Variants in PRIMPOL observed in about 807,000 individuals in gnomAD.
PRIMPOL encodes the protein primase and DNA directed polymerase.
In PRIMPOL, 54 loss-of-function variants were observed where a neutral mutation model predicts 63.6. The ratio of observed to expected loss-of-function variants is 0.85; its 90% confidence interval spans 0.68 to 1.07. The LOEUF (loss-of-function observed/expected upper bound fraction) is 1.07, where lower values mean the gene tolerates loss of function less well. PRIMPOL is among the 50% of genes least tolerant of loss of function. The pLI is 0.00. For missense variants in PRIMPOL, 610 were observed against 648.3 expected (o/e 0.94, Z 0.64); for synonymous variants, 197 against 220.2 (o/e 0.89, Z 0.93).
intron 6 of PRIMPOL, among the ~76,000 whole-genome samples, chr4:184,669,080 C>T (rs1009147369): frequency 6.6e-6 from 1 of 152,116 alleles, no homozygotes; most frequent in Non-Finnish European, 1.5e-5. Flanking sequence ...CCTTACCATT[C>T]GTGCATTCAT....
At chr4:184,680,035 T>C (rs565027905) in intron 8 of PRIMPOL, among the ~76,000 whole-genome samples, 3 of 152,204 alleles carry the variant, frequency 2.0e-5, no homozygotes, top group Non-Finnish European at 4.4e-5. Flanking sequence ...AGTTGCAGTT[T>C]CCAAGAATCT....
At chr4:184,675,804 A>G (rs530332546) in intron 7 of PRIMPOL, among the ~76,000 whole-genome samples, 1 of 152,272 alleles carries the variant, frequency 6.6e-6, no homozygotes, top group South Asian at 2.1e-4. Flanking sequence ...GCAACAGAGT[A>G]AGACTCAGTA....
chr4:184,670,705 A>T (rs1164090810), intron 6 of PRIMPOL, among the ~76,000 whole-genome samples: 1 of 151,970 alleles, frequency 6.6e-6, no homozygotes, highest in Non-Finnish European at 1.5e-5. Context: ...CCAGCACCAC[A>T]CCTGGCTAAT....
rs143060746 is a variant in PRIMPOL at position 184,667,456 on chromosome 4, G to A, written c.556+1392G>A. 0.013 allele frequency among the ~76,000 whole-genome samples: 1,905 copies of A among 152,200 alleles called. 96 individuals are homozygous for A. The East Asian group carries it at 0.13, about 10-fold the overall frequency. ...CTCCCGAGTAGCTGAGACTACAGGC[G>A]TGTGCCACCATGCCCGGCTAAGTTT... is the stretch of plus-strand genomic sequence containing the variant. On this transcript the variant is annotated intron_variant, in intron 6 of 13. Coordinates refer to ENST00000314970, the MANE Select transcript of PRIMPOL (RefSeq NM_152683.4).
chr4:184,676,293 TC>T (rs1410714189), intron 7 of PRIMPOL, among the ~76,000 whole-genome samples: 2 of 139,406 alleles, frequency 1.4e-5, no homozygotes, highest in Non-Finnish European at 3.1e-5. Context: ...CTTTCTTCCC[TC>T]CCCTCCCCTG....
intron 2 of PRIMPOL, among the ~76,000 whole-genome samples, chr4:184,653,649 G>A (rs1226138748): frequency 2.0e-5 from 3 of 152,004 alleles, no homozygotes; most frequent in South Asian, 2.1e-4. Context: ...TGCACCGGGC[G>A]GAGCCCAATC....
At chr4:184,658,532 A>G (rs1490614601) in intron 3 of PRIMPOL, among the ~76,000 whole-genome samples, 6 of 152,204 alleles carry the variant, frequency 3.9e-5, no homozygotes, top group Non-Finnish European at 8.8e-5. Context: ...TTGTGGATGT[A>G]TTCCTCTATT....
chr4:184,690,471 T>C (rs1024485699), intron 11 of PRIMPOL, among the ~76,000 whole-genome samples: 1 of 152,168 alleles, frequency 6.6e-6, no homozygotes, highest in African/African-American at 2.4e-5. Context: ...ACTTATTTAT[T>C]TATTTAGAGA....
intron 6 of PRIMPOL, among the ~76,000 whole-genome samples, chr4:184,669,934 T>C (rs1481655993): frequency 6.6e-6 from 1 of 152,154 alleles, no homozygotes; most frequent in Non-Finnish European, 1.5e-5. Context: ...CTAGTTGCTA[T>C]TGTCAGCCTT....
chr4:184,665,966 A>C lies in PRIMPOL; in HGVS notation c.458A>C (p.Glu153Ala). 1 of 1,610,996 alleles carries C rather than the reference A, an allele frequency of 6.2e-7. No individual in the cohort carries two copies. The highest frequency in any genetic ancestry group is 8.5e-7 in the Non-Finnish European group (1 of 1,177,578). The change falls in exon 6 of 14, where the codon GAA (glutamate) becomes GCA (alanine). Residue 153 changes from glutamate (E) to alanine (A), a missense_variant. Glu to Ala is a moderately radical substitution (Grantham distance 107). This residue lies in a region of PRIMPOL where 7 missense variants were observed against 23.0 expected (regional missense o/e 0.30). Transcript: ENST00000314970. Reference protein sequence around the residue: ...QELYGVNCSAEDVLNLDSSTD... With the variant: ...QELYGVNCSAADVLNLDSSTD... Reference sequence around the variant, plus strand: ...TTATACGGTGTTAATTGCTCAGCTGAAGATGTTTTGAACTTGGATTCTAGC... The same window carrying C: ...TTATACGGTGTTAATTGCTCAGCTGCAGATGTTTTGAACTTGGATTCTAGC...
intron 1 of PRIMPOL, among the ~76,000 whole-genome samples, chr4:184,650,445 T>G (rs1743954331): frequency 6.6e-6 from 1 of 152,192 alleles, no homozygotes; most frequent in Non-Finnish European, 1.5e-5. Context: ...GAACTGGTAA[T>G]GGAAGAGAGT....
Position 184,694,220 on chromosome 4 carries a change from C to G in PRIMPOL, c.1426-302C>G, listed in dbSNP as rs148013456. On this transcript the variant is annotated intron_variant, in intron 13 of 13. Coordinates refer to ENST00000314970, the MANE Select transcript of PRIMPOL (RefSeq NM_152683.4). ...CTGATTTGTCTTCAGCTGGACTGTC[C>G]ACTTGTTAAAAAATTAAATCCACCC... The G allele has an allele frequency of 2.3e-3, 2,556 of 1,089,110 alleles. 2 individuals are homozygous for G. The highest frequency in any genetic ancestry group is 2.7e-3 in the Non-Finnish European group (2,430 of 894,642). 67.5% of individuals were successfully genotyped at this position (1,089,110 alleles called of 1,614,324 possible).
chr4:184,672,783 G>A (rs1004426162), intron 7 of PRIMPOL, among the ~76,000 whole-genome samples: 1 of 152,190 alleles, frequency 6.6e-6, no homozygotes, highest in Non-Finnish European at 1.5e-5. Flanking sequence ...GGTTAAGTCA[G>A]AGTACAGAAA....
intron 11 of PRIMPOL, among the ~76,000 whole-genome samples, chr4:184,688,937 T>C (rs1210123466): frequency 6.6e-6 from 1 of 152,168 alleles, no homozygotes; most frequent in South Asian, 2.1e-4. Context: ...GGTAAGTGTT[T>C]ATGTCCGAAC....
intron 2 of PRIMPOL, among the ~76,000 whole-genome samples, chr4:184,656,418 T>C (rs1010733482): frequency 6.6e-6 from 1 of 152,180 alleles, no homozygotes; most frequent in African/African-American, 2.4e-5. Context: ...TCTTTTTCTT[T>C]TGTAAATGAA....
chr4:184,666,190 T>G, intron 6 of PRIMPOL, 126 bp downstream of exon 6: 1 of 698,454 alleles, frequency 1.4e-6, no homozygotes, highest in Non-Finnish European at 2.2e-6. Context: ...AAATGCGATG[T>G]AGGCTGAGTG....
chr4:184,665,482 T>TA (rs200942004), intron 5 of PRIMPOL, among the ~76,000 whole-genome samples: 3 of 149,560 alleles, frequency 2.0e-5, no homozygotes, highest in Non-Finnish European at 4.4e-5. Flanking sequence ...TTAAAACCAT[T>TA]AAAAAAAATG....
chr4:184,684,991 C>T (rs1756636405), intron 9 of PRIMPOL, among the ~76,000 whole-genome samples: 1 of 151,980 alleles, frequency 6.6e-6, no homozygotes, highest in South Asian at 2.1e-4. Context: ...GCCTTGAGTC[C>T]TCATGACCAC....
At position 184,685,570 on chromosome 4, in the gene PRIMPOL, T is replaced by C; in HGVS notation, c.1187-6T>C. 6.2e-7 allele frequency: 1 copy of C among 1,606,590 alleles called. No individual in the cohort carries two copies. The highest frequency in any genetic ancestry group is 8.5e-7 in the Non-Finnish European group (1 of 1,173,514). ...AGTAGCTTTAGAAACATTATTTGCA[T>C]TTTAGGAATTCGGCGTTGGAACTAC... On this transcript the variant is annotated splice_region_variant and splice_polypyrimidine_tract_variant and intron_variant, in intron 10 of 13. Transcript: ENST00000314970.
Sources: gnomAD v4.1 joint callset for allele counts (sites outside exome capture counted in the v4.1 genomes callset) on GRCh38, gnomAD v4.1.1 for gene constraint, gnomAD v4.1.1 regional missense constraint, MANE v1.5 for transcripts, NCBI Gene and HGNC (gene_info 2026-07-23, HGNC 2026-07-21) for gene names.